Variants in MCM10 observed in about 807,000 individuals in gnomAD.
MCM10 encodes protein MCM10 homolog.
A neutral mutation model predicts 109.9 loss-of-function variants in MCM10; 91 were observed. That is an observed-to-expected ratio of 0.83 (90% CI 0.70 to 0.99). The LOEUF is 0.99. Among genes scored for constraint, MCM10 ranks in the 50% least tolerant of loss-of-function variants. MCM10 has a pLI of 0.00. For missense variants in MCM10, 1,077 were observed against 1,061.2 expected, an observed-to-expected ratio of 1.01 and a Z score of -0.21; for synonymous variants, 380 against 387.2, an observed-to-expected ratio of 0.98 and a Z score of 0.22.
intron 13 of MCM10, among the ~76,000 whole-genome samples, chr10:13,194,130 G>A (rs145380780): frequency 1.8e-4 from 27 of 152,268 alleles, no homozygotes; most frequent in African/African-American, 6.3e-4. Context: ...TTGGGAGGCC[G>A]AGGCAGGCAG....
At chr10:13,190,155 G>A (rs1054840656) in intron 10 of MCM10, among the ~76,000 whole-genome samples, 4 of 152,302 alleles carry the variant, frequency 2.6e-5, no homozygotes, top group East Asian at 1.9e-4. Flanking sequence ...GCACGAGGCA[G>A]CTACAGTTGG....
At chr10:13,193,550 A>G (rs1275355707) in intron 13 of MCM10, among the ~76,000 whole-genome samples, 1 of 152,178 alleles carries the variant, frequency 6.6e-6, no homozygotes, top group Admixed American at 6.5e-5. Flanking sequence ...TCTGGTGCTG[A>G]ACCTTTTGCC....
In MCM10 at chr10:13,200,296, G is replaced by A. The variant is rs528090998; in HGVS notation, c.2239-1125G>A. Among the ~76,000 whole-genome samples the A allele has an allele frequency of 3.3e-5, 5 of 152,258 alleles. No individual in the cohort carries two copies. The South Asian group carries it at 8.3e-4, about 25-fold the overall frequency. ...GTCTCATAGAGCACACAGAAGCCAG[G>A]CAGGATGAGAAGCAATCCTTGGTTG... On this transcript the variant is annotated intron_variant, in intron 16 of 19. Transcript: ENST00000378714.
chr10:13,170,850 T>C, intron 2 of MCM10, 72 bp from the exon 3 acceptor site: 1 of 1,399,524 alleles, frequency 7.1e-7, no homozygotes, highest in Non-Finnish European at 9.9e-7. Flanking sequence ...ATGGGGTCAT[T>C]TAAATTGCCT....
chr10:13,176,133 C>A (rs1834139151), intron 6 of MCM10, among the ~76,000 whole-genome samples: 1 of 152,110 alleles, frequency 6.6e-6, no homozygotes, highest in South Asian at 2.1e-4. Flanking sequence ...ATTTTAGGAT[C>A]ATTTTTTCTA....
chr10:13,167,586 G>C (rs563195496), intron 2 of MCM10, among the ~76,000 whole-genome samples: 1 of 87,734 alleles, frequency 1.1e-5, no homozygotes, highest in African/African-American at 4.1e-5. Flanking sequence ...GGGGAGGACC[G>C]GGGGGGGCAT....
In MCM10 at chr10:13,170,487, C is replaced by T. The variant is rs575608342; in HGVS notation, c.8-435C>T. On this transcript the variant is annotated intron_variant, in intron 2 of 19. Coordinates refer to ENST00000378714, the MANE Select transcript of MCM10 (RefSeq NM_018518.5). ...GTTGAATTTCATGGAAGTCGGTGTG[C>T]GGGAAGCTGTCTCATTGATTGGAGT... is the stretch of plus-strand genomic sequence containing the variant. Among the ~76,000 whole-genome samples the T allele has an allele frequency of 7.2e-5, 11 of 151,948 alleles. 1 individual carries two copies. The highest frequency in any genetic ancestry group is 2.7e-4 in the African/African-American group (11 of 41,356).
chr10:13,172,462 C>G lies in MCM10; in HGVS notation c.436C>G (p.Arg146Gly). Residue 146 changes from arginine (R) to glycine (G), a missense_variant, in exon 4 of 20, where the codon CGT becomes GGT. Physicochemically the swap from Arg to Gly is moderately radical, Grantham distance 125. Transcript: ENST00000378714. This position sits in a 1 kb window ranked among gnomAD's most constrained non-coding sequence, Gnocchi z 5.2. The part of the protein sequence containing the change: ...TTIKQTASPA[R>G]LQKSPEKSPR... The stretch of plus-strand genomic sequence containing the variant: ...AATTAAACAGACAGCAAGCCCAGCC[C>G]GTCTGCAAAAATCCCCTGGTAAGAA... 6.2e-7 allele frequency: 1 copy of G among 1,613,998 alleles called. No homozygotes were observed. The highest frequency in any genetic ancestry group is 8.5e-7 in the Non-Finnish European group (1 of 1,179,970).
At chr10:13,180,341 T>C (rs987771845) in intron 6 of MCM10, 101 bp from the exon 7 acceptor site, 7 of 918,990 alleles carry the variant, frequency 7.6e-6, no homozygotes, top group Non-Finnish European at 1.1e-5. Flanking sequence ...GAACAGGTAC[T>C]GTAGAGGTTT....
At chr10:13,169,411 C>T (rs142248313) in intron 2 of MCM10, among the ~76,000 whole-genome samples, 25 of 152,256 alleles carry the variant, frequency 1.6e-4, no homozygotes, top group African/African-American at 6.0e-4. Context: ...TCAGGTATTA[C>T]CCCAGACGAA....
intron 9 of MCM10, among the ~76,000 whole-genome samples, chr10:13,186,926 A>G (rs1834282205): frequency 1.3e-5 from 2 of 152,214 alleles, no homozygotes; most frequent in South Asian, 2.1e-4. Flanking sequence ...TGGAAGGCAG[A>G]GGTTTCAGTG....
rs202079077 is a variant in MCM10, at chr10:13,167,131, A to AAAAT, written c.7+2938_7+2941dup. ...TCCAGCCTGTGTGACCCTGTCTTGA[A>AAAAT]AAATAAATAAATAAATAAACAAACA... On this transcript the variant is annotated intron_variant, in intron 2 of 19. Transcript: ENST00000378714. 4.3e-3 allele frequency among the ~76,000 whole-genome samples: 647 copies of AAAAT among 152,226 alleles called. 6 individuals carry two copies. Among genetic ancestry groups the AAAAT allele is most frequent in the African/African-American group, 0.013 (558 of 41,496 alleles).
At chr10:13,175,377 C>A in intron 5 of MCM10, 133 bp from the exon 6 acceptor site, 1 of 681,424 alleles carries the variant, frequency 1.5e-6, no homozygotes, top group South Asian at 1.7e-5. Flanking sequence ...CAGATCACGC[C>A]ACCATTGCAC....
At position 13,192,436 on chromosome 10, in the gene MCM10, G is replaced by A; in HGVS notation, c.1628-15G>A. The A allele has an allele frequency of 6.2e-7, 1 of 1,613,952 alleles. No individual in the cohort carries two copies. The highest frequency in any genetic ancestry group is 8.5e-7 in the Non-Finnish European group (1 of 1,179,854). ...GCCTCCCAGGGCACCCCCTCAGTCT[G>A]GGCTTCTGTTTCAGGGATTATGGGG... On this transcript the variant is annotated splice_polypyrimidine_tract_variant and intron_variant, in intron 12 of 19. Transcript: ENST00000378714.
chr10:13,190,695 AC>A (rs1417736068), intron 10 of MCM10, among the ~76,000 whole-genome samples: 3 of 151,948 alleles, frequency 2.0e-5, no homozygotes, highest in Admixed American at 2.0e-4. Context: ...CAAAAAAAAA[AC>A]CCCAAACTGT....
At chr10:13,186,406 G>A in intron 9 of MCM10, 126 bp downstream of exon 9, 2 of 603,886 alleles carry the variant, frequency 3.3e-6, no homozygotes, top group Non-Finnish European at 5.8e-6. Context: ...GAGTCAAAAT[G>A]AGAAAATTTA....
In MCM10 at chr10:13,164,166, C is replaced by A; in HGVS notation, c.-37C>A. ...TTGCTCATCTGGGCATCTGAGCCTC[C>A]TTCGAAGTTTCCTGTCACAACTGTC... On this transcript the variant is annotated 5_prime_UTR_variant, in exon 2 of 20. Coordinates refer to ENST00000378714, the MANE Select transcript of MCM10 (RefSeq NM_018518.5). 6.4e-7 allele frequency: 1 copy of A among 1,571,406 alleles called. No individual in the cohort carries two copies. The highest frequency in any genetic ancestry group is 8.6e-7 in the Non-Finnish European group (1 of 1,165,766).
chr10:13,175,242 T>G (rs972105550), intron 5 of MCM10, among the ~76,000 whole-genome samples: 1 of 152,104 alleles, frequency 6.6e-6, no homozygotes, highest in African/African-American at 2.4e-5. Context: ...GAGACCAGCC[T>G]GGGCAACATG....
chr10:13,200,209 G>A (rs978742781), intron 16 of MCM10, among the ~76,000 whole-genome samples: 1 of 151,946 alleles, frequency 6.6e-6, no homozygotes, highest in Non-Finnish European at 1.5e-5. Flanking sequence ...CACAAATATT[G>A]TAGGGTTGTG....
Sources: allele counts gnomAD v4.1 joint callset (sites outside exome capture counted in the v4.1 genomes callset), GRCh38; gene constraint gnomAD v4.1.1; non-coding constraint Gnocchi (gnomAD v3.1); transcripts MANE v1.5; gene names NCBI Gene and HGNC (gene_info 2026-07-23, HGNC 2026-07-21).